The following MAP6 variants were observed in gnomAD, a reference collection of about 807,000 sequenced individuals.
MAP6 encodes microtubule associated protein 6, also known as microtubule-associated protein 6.
In MAP6, 26 loss-of-function variants were observed where a neutral mutation model predicts 42.4. The observed-to-expected ratio is 0.61, with a 90% CI of 0.45 to 0.85. MAP6 has a LOEUF of 0.85. MAP6 is among the 40% of genes least tolerant of loss of function. MAP6 has a pLI of 0.00. For missense variants in MAP6, 966 were observed against 1,099.0 expected (o/e 0.88, Z 1.71); for synonymous variants, 418 against 443.8 (o/e 0.94, Z 0.73).
chr11:75,592,842 CT>C (rs548905937), intron 3 of MAP6, among the ~76,000 whole-genome samples: 108 of 152,344 alleles, frequency 7.1e-4, no homozygotes, highest in South Asian at 1.2e-3. Context: ...CCCTTCACCC[CT>C]CTCCTTCCTG....
At chr11:75,617,277 G>A (rs1284686870) in intron 1 of MAP6, among the ~76,000 whole-genome samples, 1 of 152,156 alleles carries the variant, frequency 6.6e-6, no homozygotes, top group Admixed American at 6.5e-5. Context: ...AGCACCCTGG[G>A]AGGCCAAGGC....
intron 1 of MAP6, among the ~76,000 whole-genome samples, chr11:75,652,700 A>C (rs1487770468): frequency 6.6e-6 from 1 of 151,914 alleles, no homozygotes; most frequent in Non-Finnish European, 1.5e-5. Context: ...TTAGCCAGGC[A>C]TGGTGGCACG....
chr11:75,592,710 G>C (rs1942503149), intron 3 of MAP6, among the ~76,000 whole-genome samples: 2 of 152,180 alleles, frequency 1.3e-5, no homozygotes, highest in African/African-American at 4.8e-5. Context: ...TTTTAAGAGA[G>C]CAAACCCTAT....
intron 3 of MAP6, chr11:75,603,564 A>G: frequency 1.1e-6 from 1 of 943,698 alleles, no homozygotes. Context: ...GCCTTGGGTG[A>G]GGGTAGGAAG....
At chr11:75,602,598 TC>T (rs1942682803) in intron 3 of MAP6, among the ~76,000 whole-genome samples, 1 of 152,182 alleles carries the variant, frequency 6.6e-6, no homozygotes, top group Non-Finnish European at 1.5e-5. Context: ...AGGCGGTCGC[TC>T]TTCCCGGCAA....
intron 3 of MAP6, among the ~76,000 whole-genome samples, chr11:75,592,412 C>G (rs1459789519): frequency 1.3e-5 from 2 of 152,234 alleles, no homozygotes; most frequent in Admixed American, 1.3e-4. Flanking sequence ...GTTATTGTTG[C>G]TGAAAGCTGG....
At chr11:75,646,985 C>CTTT (rs34840251) in intron 1 of MAP6, among the ~76,000 whole-genome samples, 47 of 146,498 alleles carry the variant, frequency 3.2e-4, no homozygotes, top group Admixed American at 4.8e-4. Flanking sequence ...TAATTTGAAA[C>CTTT]TTTTTTTTTT....
At position 75,587,346 on chromosome 11, in the gene MAP6, T is replaced by C. The variant is rs369786801; in HGVS notation, c.2155A>G (p.Ile719Val). ...VPESVKNQDP[I>V]LPVLVKDQGP... is the part of the protein sequence containing the mutation. ...TGATCCTTAACTAGTACTGGGAGAA[T>C]GGGGTCTTGATTCTTCACGGACTCG... The change falls in exon 4 of 4, where the codon ATT (isoleucine) becomes GTT (valine). Residue 719 changes from isoleucine to valine, a missense_variant. Ile to Val is a conservative substitution (Grantham distance 29). Coordinates refer to ENST00000304771, the MANE Select transcript of MAP6 (RefSeq NM_033063.2). The C allele has an allele frequency of 1.2e-6, 2 of 1,613,956 alleles. No homozygotes were observed. The highest frequency in any genetic ancestry group is 1.7e-6 in the Non-Finnish European group (2 of 1,180,026).
At chr11:75,604,476 A>G in intron 3 of MAP6, 3 of 985,366 alleles carry the variant, frequency 3.0e-6, no homozygotes, top group Non-Finnish European at 3.6e-6. Flanking sequence ...AGTGTGTCAG[A>G]ATGCCGGGGA....
At chr11:75,657,108 C>CT (rs1565280855) in intron 1 of MAP6, among the ~76,000 whole-genome samples, 3 of 149,264 alleles carry the variant, frequency 2.0e-5, no homozygotes, top group South Asian at 2.1e-4. Context: ...TGTGGAGACA[C>CT]TATTTTTTTT....
intron 3 of MAP6, among the ~76,000 whole-genome samples, chr11:75,597,992 A>G (rs1444739369): frequency 6.6e-6 from 1 of 152,226 alleles, no homozygotes; most frequent in Non-Finnish European, 1.5e-5. Flanking sequence ...TGCACACTCC[A>G]GTTTGCAGAG....
chr11:75,618,481 C>A (rs1033631421), intron 1 of MAP6, among the ~76,000 whole-genome samples: 4 of 152,036 alleles, frequency 2.6e-5, no homozygotes, highest in African/African-American at 9.7e-5. Context: ...GTGGTGGGCG[C>A]CTGTAATCCC....
Position 75,603,238 on chromosome 11 carries a change from G to A in MAP6, c.1316+2570C>T, listed in dbSNP as rs139374548. 1.5e-5 allele frequency: 15 copies of A among 985,528 alleles called. No individual in the cohort carries two copies. In the East Asian group the frequency reaches 6.8e-4, roughly 45 times the overall value. 61.0% of individuals were successfully genotyped at this position (985,528 alleles called of 1,614,324 possible). A position where few individuals can be genotyped will look rare whatever the true frequency, so the allele number is the denominator to read the frequency against. On this transcript the variant is annotated intron_variant, in intron 3 of 3. Coordinates refer to ENST00000304771, the MANE Select transcript of MAP6 (RefSeq NM_033063.2). ...GGAAAGCTTCAGTCCCAGCTCCCTC[G>A]CCAGGGAAGGACGGAGAACCACAGG...
chr11:75,625,164 C>T (rs1196818555), intron 1 of MAP6, among the ~76,000 whole-genome samples: 1 of 152,128 alleles, frequency 6.6e-6, no homozygotes, highest in Non-Finnish European at 1.5e-5. Flanking sequence ...TCCCTCCCAG[C>T]ATTCATAAGA....
intron 1 of MAP6, among the ~76,000 whole-genome samples, chr11:75,641,724 T>C (rs11605258): frequency 1.0e-3 from 158 of 152,366 alleles, no homozygotes; most frequent in Non-Finnish European, 1.9e-3. Flanking sequence ...TCTGCATTTC[T>C]GTTAAGCTTC....
chr11:75,621,130 CAA>C (rs998794913), intron 1 of MAP6, among the ~76,000 whole-genome samples: 10 of 124,518 alleles, frequency 8.0e-5, no homozygotes, highest in Admixed American at 8.2e-5. Context: ...GACTCCATCT[CAA>C]AAAAAAAAAA....
chr11:75,624,429 T>A (rs1037974687), intron 1 of MAP6, among the ~76,000 whole-genome samples: 2 of 152,126 alleles, frequency 1.3e-5, no homozygotes, highest in Non-Finnish European at 2.9e-5. Flanking sequence ...TCTCTCACCA[T>A]CAGCACAGCC....
intron 2 of MAP6, 35 bp downstream of exon 2, chr11:75,608,074 G>A: frequency 6.3e-7 from 1 of 1,596,396 alleles, no homozygotes; most frequent in Non-Finnish European, 8.6e-7. Context: ...TATGGTCCAG[G>A]CTGTGCTGAT....
chr11:75,613,365 G>C (rs1942938639), intron 1 of MAP6, among the ~76,000 whole-genome samples: 1 of 152,034 alleles, frequency 6.6e-6, no homozygotes, highest in Non-Finnish European at 1.5e-5. Flanking sequence ...TTTCCTTCAA[G>C]CTCATGGTCA....
Sources: allele counts gnomAD v4.1 joint callset (sites outside exome capture counted in the v4.1 genomes callset), GRCh38; gene constraint gnomAD v4.1.1; transcripts MANE v1.5; gene names NCBI Gene and HGNC (gene_info 2026-07-23, HGNC 2026-07-21).